PARD3B: variants seen among roughly 807,000 people sequenced by gnomAD.
PARD3B encodes partitioning defective 3 homolog B.
Under a neutral mutation model 130.2 loss-of-function variants are expected in PARD3B, and 103 were observed. That is an observed-to-expected ratio of 0.79 (90% CI 0.67 to 0.93). The LOEUF is 0.93. PARD3B is among the 40% of genes least tolerant of loss of function. PARD3B has a pLI of 0.00. For synonymous variants in PARD3B, 583 were observed against 553.2 expected (o/e 1.05, Z -0.76); for missense variants, 1,609 against 1,499.2 (o/e 1.07, Z -1.21).
chr2:205,452,893 T>C (rs2106200893), intron 20 of PARD3B, among the ~76,000 whole-genome samples: 1 of 152,288 alleles, frequency 6.6e-6, no homozygotes, highest in Non-Finnish European at 1.5e-5. Context: ...ATGGGCATGT[T>C]TGAGGAATGT....
chr2:204,652,145 A>C (rs1284535446), intron 1 of PARD3B, among the ~76,000 whole-genome samples: 1 of 152,084 alleles, frequency 6.6e-6, no homozygotes, highest in Middle Eastern at 3.2e-3. Flanking sequence ...TACTTATGCA[A>C]ATTTCTGCAG....
chr2:204,621,169 A>G (rs1305767918), intron 1 of PARD3B, among the ~76,000 whole-genome samples: 1 of 152,192 alleles, frequency 6.6e-6, no homozygotes, highest in South Asian at 2.1e-4. Context: ...GAATGTTACC[A>G]TCTCATGGAT....
At chr2:205,067,200 C>T (rs182727212) in intron 4 of PARD3B, among the ~76,000 whole-genome samples, 28 of 141,192 alleles carry the variant, frequency 2.0e-4, no homozygotes, top group Admixed American at 8.3e-4. Context: ...CTCACTCTGT[C>T]ACTCAGACTG....
At chr2:204,748,262 G>C (rs1574882908) in intron 2 of PARD3B, among the ~76,000 whole-genome samples, 1 of 151,978 alleles carries the variant, frequency 6.6e-6, no homozygotes, top group East Asian at 1.9e-4. Context: ...AATGTCACCA[G>C]TTCATACACG....
rs113133581 is a variant in PARD3B, at chr2:205,157,555, G to A, written c.1435-1167G>A. Among the ~76,000 whole-genome samples, 506 of 152,226 alleles carry A rather than the reference G, an allele frequency of 3.3e-3. 3 individuals are homozygous for A. The highest frequency in any genetic ancestry group is 0.011 in the African/African-American group (462 of 41,540). ...GGCTGTGATCCGACCTCTTAATCCT[G>A]TTTTAATTATGGGTTCTTTGCTACT... On this transcript the variant is annotated intron_variant, in intron 10 of 22. Transcript: ENST00000406610.
intron 3 of PARD3B, among the ~76,000 whole-genome samples, chr2:204,971,611 T>TGGGAAA (rs1394514097): frequency 6.6e-6 from 1 of 151,586 alleles, no homozygotes; most frequent in East Asian, 2.0e-4. Flanking sequence ...TTTCCTTCCC[T>TGGGAAA]GGGAGTCTGT....
intron 3 of PARD3B, among the ~76,000 whole-genome samples, chr2:205,012,108 G>A (rs1695763432): frequency 6.6e-6 from 1 of 152,158 alleles, no homozygotes; most frequent in Admixed American, 6.5e-5. Context: ...TCTGTAGGAT[G>A]TCAGGTCTCA....
chr2:205,059,531 C>G (rs764459375), intron 4 of PARD3B, among the ~76,000 whole-genome samples: 3 of 152,034 alleles, frequency 2.0e-5, no homozygotes, highest in Non-Finnish European at 4.4e-5. Flanking sequence ...CACACCCTTT[C>G]TGCTCTGGAC....
In PARD3B at chr2:204,803,538, A is replaced by G. The variant is rs73066644; in HGVS notation, c.222+117256A>G. Among the ~76,000 whole-genome samples, 797 of 152,284 alleles carry G rather than the reference A, an allele frequency of 5.2e-3. 8 individuals are homozygous for G. The highest frequency in any genetic ancestry group is 0.018 in the African/African-American group (743 of 41,566). On this transcript the variant is annotated intron_variant, in intron 2 of 22. Coordinates refer to ENST00000406610, the MANE Select transcript of PARD3B (RefSeq NM_001302769.2). ...ACAGCCAAGAGTTAAAAAGCAGGGG[A>G]CATGGAGTTAAAAAGCATGGGACAC...
intron 1 of PARD3B, among the ~76,000 whole-genome samples, chr2:204,604,157 G>A (rs1298901294): frequency 6.6e-6 from 1 of 152,116 alleles, no homozygotes; most frequent in Admixed American, 6.6e-5. Flanking sequence ...TGTTTTCAGA[G>A]GGAATACTTC....
chr2:204,825,731 GT>G (rs1296775579), intron 2 of PARD3B, among the ~76,000 whole-genome samples: 1 of 152,178 alleles, frequency 6.6e-6, no homozygotes, highest in African/African-American at 2.4e-5. Context: ...ATCCACTGAA[GT>G]TACAGTGAGC....
chr2:205,443,559 C>T (rs1375682203), intron 20 of PARD3B, among the ~76,000 whole-genome samples: 1 of 152,142 alleles, frequency 6.6e-6, no homozygotes, highest in Non-Finnish European at 1.5e-5. Flanking sequence ...TCAGGAAAGT[C>T]CTCCAAACAG....
intron 2 of PARD3B, among the ~76,000 whole-genome samples, chr2:204,960,623 G>C (rs1690662903): frequency 6.6e-6 from 1 of 152,064 alleles, no homozygotes; most frequent in African/African-American, 2.4e-5. Flanking sequence ...TTGTTGTTGT[G>C]TTAGGTTTTA....
At chr2:205,443,601 A>C (rs1440712074) in intron 20 of PARD3B, among the ~76,000 whole-genome samples, 1 of 152,228 alleles carries the variant, frequency 6.6e-6, no homozygotes, top group Non-Finnish European at 1.5e-5. Flanking sequence ...TAGAAGGCTT[A>C]GTAAGACAGG....
chr2:204,578,794 A>C (rs1228428001), intron 1 of PARD3B, among the ~76,000 whole-genome samples: 1 of 152,110 alleles, frequency 6.6e-6, no homozygotes, highest in Non-Finnish European at 1.5e-5. Context: ...CACGGTTAAA[A>C]TCTTGAACTA....
intron 2 of PARD3B, among the ~76,000 whole-genome samples, chr2:204,932,375 T>C (rs550135117): frequency 5.5e-4 from 83 of 152,246 alleles, no homozygotes; most frequent in African/African-American, 1.7e-3. Context: ...AATAGCCCCA[T>C]GTAAATTCTC....
chr2:205,025,102 T>C (rs1162992634), intron 3 of PARD3B, among the ~76,000 whole-genome samples: 3 of 152,222 alleles, frequency 2.0e-5, no homozygotes, highest in African/African-American at 7.2e-5. Flanking sequence ...TTATCTTCTT[T>C]CCAGCAGTGG....
At chr2:205,196,088 A>T (rs2036666622) in intron 15 of PARD3B, among the ~76,000 whole-genome samples, 1 of 152,198 alleles carries the variant, frequency 6.6e-6, no homozygotes, top group Non-Finnish European at 1.5e-5. Flanking sequence ...AATTCCAATT[A>T]AGAAAAAATA....
intron 18 of PARD3B, among the ~76,000 whole-genome samples, chr2:205,355,561 TGTAAG>T (rs1366536620): frequency 2.0e-5 from 3 of 152,156 alleles, no homozygotes; most frequent in African/African-American, 7.2e-5. Flanking sequence ...GCTTCAACTG[TGTAAG>T]GTGAGTGATT....
Sources: gnomAD v4.1 joint callset for allele counts (sites outside exome capture counted in the v4.1 genomes callset) on GRCh38, gnomAD v4.1.1 for gene constraint, MANE v1.5 for transcripts, NCBI Gene and HGNC (gene_info 2026-07-23, HGNC 2026-07-21) for gene names.